Variants in CALN1 observed in about 807,000 individuals in gnomAD.
CALN1 encodes calcium-binding protein 8.
Under a neutral mutation model 30.6 loss-of-function variants are expected in CALN1, and 17 were observed. That is an observed-to-expected ratio of 0.56 (90% CI 0.38 to 0.83). The LOEUF is 0.83. Among genes scored for constraint, CALN1 ranks in the 40% least tolerant of loss-of-function variants. CALN1 has a pLI of 0.00. For synonymous variants in CALN1, 156 were observed against 131.4 expected (o/e 1.19, Z -1.28); for missense variants, 291 against 354.9 (o/e 0.82, Z 1.45).
chr7:72,465,736 A>T, the CALN1 span, among the ~76,000 whole-genome samples: 1 of 152,338 alleles, frequency 6.6e-6, no homozygotes, highest in Non-Finnish European at 1.5e-5. Flanking sequence ...GGAGATTAAC[A>T]CTTGCAGTAT....
At chr7:71,838,610 C>T (rs976439557) in intron 5 of CALN1, among the ~76,000 whole-genome samples, 1 of 152,100 alleles carries the variant, frequency 6.6e-6, no homozygotes, top group African/African-American at 2.4e-5. Flanking sequence ...GGCTGTGTCC[C>T]CACCCAATTC....
At chr7:72,190,192 CTA>C (rs1401130917) in intron 3 of CALN1, among the ~76,000 whole-genome samples, 1 of 152,100 alleles carries the variant, frequency 6.6e-6, no homozygotes, top group Non-Finnish European at 1.5e-5. Context: ...CCCGTCTCTA[CTA>C]AAAACATACA....
chr7:72,455,776 G>A, the CALN1 span, among the ~76,000 whole-genome samples: 1 of 152,070 alleles, frequency 6.6e-6, no homozygotes, highest in Non-Finnish European at 1.5e-5. Context: ...CAAGCAAGGG[G>A]GAATAAGCCA....
At chr7:72,244,865 G>C (rs1286965739) in intron 3 of CALN1, among the ~76,000 whole-genome samples, 2 of 152,094 alleles carry the variant, frequency 1.3e-5, no homozygotes, top group Admixed American at 1.3e-4. Context: ...CAGAGAGAGA[G>C]GAAAAGCAAA....
At chr7:72,396,528 T>C (rs767743642) in intron 2 of CALN1, among the ~76,000 whole-genome samples, 6 of 151,858 alleles carry the variant, frequency 4.0e-5, no homozygotes, top group South Asian at 2.1e-4. Context: ...GGAGGTATAA[T>C]TGATGGAATA....
chr7:72,264,866 T>G (rs1796507034), intron 3 of CALN1, among the ~76,000 whole-genome samples: 1 of 152,190 alleles, frequency 6.6e-6, no homozygotes, highest in Non-Finnish European at 1.5e-5. Context: ...GGCCCCAGTG[T>G]GTATTGTTCC....
At chr7:72,295,872 C>T (rs1194924243) in intron 2 of CALN1, among the ~76,000 whole-genome samples, 3 of 151,792 alleles carry the variant, frequency 2.0e-5, no homozygotes, top group African/African-American at 4.8e-5. Flanking sequence ...TCCTGCCTAA[C>T]TGCCCTGGCC....
chr7:72,060,974 CAACT>C (rs1012533794), intron 4 of CALN1, among the ~76,000 whole-genome samples: 1 of 152,202 alleles, frequency 6.6e-6, no homozygotes, highest in African/African-American at 2.4e-5. Context: ...TCCATAGCAA[CAACT>C]AACTCAATGG....
chr7:72,271,959 G>A (rs975514733), intron 3 of CALN1, among the ~76,000 whole-genome samples: 5 of 151,722 alleles, frequency 3.3e-5, no homozygotes, highest in African/African-American at 1.2e-4. Flanking sequence ...CTACTCAGGA[G>A]GCTGAGGCAG....
the CALN1 span, among the ~76,000 whole-genome samples, chr7:72,481,379 A>T: frequency 6.6e-6 from 1 of 152,300 alleles, no homozygotes; most frequent in East Asian, 1.9e-4. Flanking sequence ...ATGAGCCACC[A>T]CGCCCAGCTG....
At chr7:72,388,276 A>AG (rs1381322219) in intron 2 of CALN1, among the ~76,000 whole-genome samples, 19 of 152,182 alleles carry the variant, frequency 1.2e-4, no homozygotes, top group Admixed American at 1.2e-3. Flanking sequence ...TTTTTTAAAA[A>AG]GGGGCACGTC....
chr7:72,246,242 A>C (rs496808), intron 3 of CALN1, among the ~76,000 whole-genome samples: 105,123 of 152,072 alleles, frequency 0.69, 36,902 homozygotes, highest in East Asian at 1. Flanking sequence ...CTCAGATAGA[A>C]CTGAGGTTTC....
chr7:71,848,683 T>C (rs919497369), intron 5 of CALN1, among the ~76,000 whole-genome samples: 3 of 151,968 alleles, frequency 2.0e-5, no homozygotes, highest in Admixed American at 6.6e-5. Flanking sequence ...AAGACTGGGA[T>C]AGAATTATTT....
intron 5 of CALN1, among the ~76,000 whole-genome samples, chr7:71,981,029 G>A (rs1798367245): frequency 1.3e-5 from 2 of 152,140 alleles, no homozygotes; most frequent in Admixed American, 1.3e-4. Context: ...CCGCCACACT[G>A]CCCGTGGCTC....
the CALN1 span, among the ~76,000 whole-genome samples, chr7:72,481,724 T>A: frequency 7.2e-3 from 1,090 of 152,348 alleles, 26 homozygotes; most frequent in Admixed American, 0.057. Context: ...GTGGGTTTTT[T>A]AAAAGTGTGT....
At chr7:72,091,565 T>C (rs1805865055) in intron 4 of CALN1, among the ~76,000 whole-genome samples, 1 of 152,170 alleles carries the variant, frequency 6.6e-6, no homozygotes, top group African/African-American at 2.4e-5. Context: ...CTAGAAAAAT[T>C]AATTCCCTAT....
intron 3 of CALN1, among the ~76,000 whole-genome samples, chr7:72,212,663 A>C (rs1458003834): frequency 1.3e-5 from 2 of 151,906 alleles, no homozygotes; most frequent in Admixed American, 1.3e-4. Context: ...AAGAATAAAA[A>C]ATGAGCCAGG....
chr7:72,184,088 C>A (rs539376856), intron 3 of CALN1, among the ~76,000 whole-genome samples: 2 of 152,290 alleles, frequency 1.3e-5, no homozygotes, highest in Admixed American at 1.3e-4. Context: ...TATTTCCCAT[C>A]CTTGACCAAT....
intron 5 of CALN1, among the ~76,000 whole-genome samples, chr7:71,892,379 G>A (rs1165170620): frequency 6.6e-6 from 1 of 152,184 alleles, no homozygotes. Context: ...GCTCACGCCT[G>A]TAATCCCAGC....
Sources: allele counts gnomAD v4.1 joint callset (sites outside exome capture counted in the v4.1 genomes callset), GRCh38; gene constraint gnomAD v4.1.1; transcripts MANE v1.5; gene names NCBI Gene and HGNC (gene_info 2026-07-23, HGNC 2026-07-21).